The following DNER variants were observed in gnomAD, a reference collection of about 807,000 sequenced individuals.
The protein encoded by DNER is delta and Notch-like epidermal growth factor-related receptor.
Under a neutral mutation model 78.2 loss-of-function variants are expected in DNER, and 33 were observed. The observed-to-expected ratio is 0.42, with a 90% CI of 0.32 to 0.56. The LOEUF is 0.56. Ranked by LOEUF, DNER falls within the 20% of genes least tolerant of loss-of-function variation. The pLI is 0.11. For synonymous variants in DNER, 417 were observed against 384.8 expected, an observed-to-expected ratio of 1.08 and a Z score of -0.98; for missense variants, 918 against 975.3, an observed-to-expected ratio of 0.94 and a Z score of 0.78.
chr2:229,498,275 G>C (rs1574870498), intron 6 of DNER, among the ~76,000 whole-genome samples: 1 of 152,074 alleles, frequency 6.6e-6, no homozygotes, highest in African/African-American at 2.4e-5. Flanking sequence ...AAGGAATGTA[G>C]CTCAACACGA....
intron 1 of DNER, among the ~76,000 whole-genome samples, chr2:229,681,293 G>A (rs1428331438): frequency 5.9e-5 from 9 of 152,120 alleles, no homozygotes; most frequent in Non-Finnish European, 1.0e-4. Flanking sequence ...AGAAACAATA[G>A]ACCACCCCAA....
chr2:229,644,115 T>C (rs971645304), intron 1 of DNER, among the ~76,000 whole-genome samples: 4 of 152,202 alleles, frequency 2.6e-5, no homozygotes, highest in African/African-American at 9.7e-5. Flanking sequence ...ATTTCCCAAA[T>C]GTCATGGATC....
At chr2:229,651,739 T>C (rs1175482332) in intron 1 of DNER, among the ~76,000 whole-genome samples, 2 of 152,160 alleles carry the variant, frequency 1.3e-5, no homozygotes, top group Non-Finnish European at 2.9e-5. Flanking sequence ...CTTTGGTAGG[T>C]GACATCTCAG....
intron 10 of DNER, among the ~76,000 whole-genome samples, chr2:229,396,897 G>A (rs533424243): frequency 6.6e-6 from 1 of 152,064 alleles, no homozygotes; most frequent in South Asian, 2.1e-4. Context: ...GTGAGGGAAG[G>A]GCAAAACCAA....
At chr2:229,407,544 C>T (rs566797320) in intron 9 of DNER, among the ~76,000 whole-genome samples, 199 bp from the exon 10 acceptor site, 1 of 152,296 alleles carries the variant, frequency 6.6e-6, no homozygotes, top group Admixed American at 6.5e-5. Flanking sequence ...GTAACACATT[C>T]GATCACTGTC....
At chr2:229,418,415 G>A (rs1398512131) in intron 8 of DNER, among the ~76,000 whole-genome samples, 185 bp from the exon 9 acceptor site, 1 of 152,192 alleles carries the variant, frequency 6.6e-6, no homozygotes, top group Non-Finnish European at 1.5e-5. Flanking sequence ...TATGAAGAAA[G>A]CGCCTGTTCT....
chr2:229,685,431 T>TTC (rs556395661), intron 1 of DNER, among the ~76,000 whole-genome samples: 158 of 114,154 alleles, frequency 1.4e-3, no homozygotes, highest in African/African-American at 5.1e-3. Flanking sequence ...TCATTGTTCC[T>TTC]TCCATAGCAG....
At chr2:229,460,156 CAAAAAAAAAAA>C (rs5839331) in intron 7 of DNER, among the ~76,000 whole-genome samples, 9 of 85,506 alleles carry the variant, frequency 1.1e-4, no homozygotes, top group East Asian at 4.2e-4. Context: ...GACTCCGTCT[CAAAAAAAAAAA>C]AAAAAAAAAA....
rs34030074 is a variant in DNER, at chr2:229,650,072, CAAAAAAA to C, written c.277-58191_277-58185del. ...CCTGGGTGACAGAGCAAGACTCCGT[CAAAAAAA>C]AAAAAAAAAAAAAGAAATGGTATCA... On this transcript the variant is annotated intron_variant, in intron 1 of 12. Coordinates refer to ENST00000341772, the MANE Select transcript of DNER (RefSeq NM_139072.4). 3.0e-4 allele frequency among the ~76,000 whole-genome samples: 28 copies of C among 93,164 alleles called. No individual in the cohort carries two copies. In the Admixed American group the frequency reaches 3.5e-3, roughly 12 times the overall value. 61.1% of individuals were successfully genotyped at this position (93,164 alleles called of 152,430 possible).
chr2:229,452,162 T>C (rs1378185646), intron 7 of DNER, among the ~76,000 whole-genome samples: 1 of 152,136 alleles, frequency 6.6e-6, no homozygotes, highest in African/African-American at 2.4e-5. Context: ...ATAGGCAATG[T>C]GGAGAGGGAA....
intron 5 of DNER, among the ~76,000 whole-genome samples, chr2:229,534,292 TAGACCAATAGATTGTAATGGTAAC>T (rs1559159541): frequency 8.0e-4 from 119 of 149,416 alleles, no homozygotes; most frequent in African/African-American, 2.8e-3. Context: ...TGTAATAAAA[TAGACCAATAGATTGTAATGGTAAC>T]AGACCAATAG....
At chr2:229,366,452 A>G (rs1429330839) in intron 12 of DNER, among the ~76,000 whole-genome samples, 1 of 152,200 alleles carries the variant, frequency 6.6e-6, no homozygotes, top group African/African-American at 2.4e-5. Context: ...ATTCACTCTA[A>G]AAGTAGAAAG....
chr2:229,406,144 G>A (rs1223049704), intron 10 of DNER, among the ~76,000 whole-genome samples: 1 of 152,190 alleles, frequency 6.6e-6, no homozygotes, highest in Non-Finnish European at 1.5e-5. Flanking sequence ...CCCCTGGGAT[G>A]GCTTAGGGAC....
chr2:229,366,859 C>T lies in DNER; in HGVS notation c.2102+14G>A, dbSNP rs758506865. The T allele has an allele frequency of 5.6e-6, 9 of 1,613,616 alleles. No homozygotes were observed. The South Asian group carries it at 9.9e-5, about 18-fold the overall frequency. On this transcript the variant is annotated intron_variant, in intron 12 of 12. Transcript: ENST00000341772. Reference sequence around the variant, plus strand: ...TGTGAAGGCAGCATTCCCCACGCCGCCCCCACAGCCAACCTGGCATGCCGG... The same window carrying T: ...TGTGAAGGCAGCATTCCCCACGCCGTCCCCACAGCCAACCTGGCATGCCGG...
intron 11 of DNER, among the ~76,000 whole-genome samples, chr2:229,372,845 A>G (rs1208200951): frequency 1.3e-5 from 2 of 152,058 alleles, no homozygotes; most frequent in Non-Finnish European, 2.9e-5. Context: ...GGGGGAATCA[A>G]CCAGACTAAA....
chr2:229,572,326 A>G (rs1004558824), intron 4 of DNER, among the ~76,000 whole-genome samples: 1 of 152,158 alleles, frequency 6.6e-6, no homozygotes, highest in African/African-American at 2.4e-5. Flanking sequence ...TTCATCTAAT[A>G]TTGAATAGAC....
chr2:229,570,455 C>T (rs963307324), intron 4 of DNER, among the ~76,000 whole-genome samples: 2 of 152,064 alleles, frequency 1.3e-5, no homozygotes, highest in South Asian at 2.1e-4. Flanking sequence ...GGTGAAACCC[C>T]GTCTCTACTA....
At chr2:229,400,560 C>T (rs1693244966) in intron 10 of DNER, among the ~76,000 whole-genome samples, 1 of 151,896 alleles carries the variant, frequency 6.6e-6, no homozygotes. Context: ...AGCCACAAAA[C>T]AAAAAATTAA....
chr2:229,428,967 T>C (rs895414641), intron 8 of DNER, among the ~76,000 whole-genome samples: 1 of 151,628 alleles, frequency 6.6e-6, no homozygotes, highest in Admixed American at 6.6e-5. Context: ...AAAGATAAAA[T>C]AGAGAGAAAG....
Sources: gnomAD v4.1 joint callset for allele counts (sites outside exome capture counted in the v4.1 genomes callset) on GRCh38, gnomAD v4.1.1 for gene constraint, MANE v1.5 for transcripts, NCBI Gene and HGNC (gene_info 2026-07-23, HGNC 2026-07-21) for gene names.